UEVLD: variants seen among roughly 807,000 people sequenced by gnomAD.
UEVLD encodes UEV and lactate/malate dehyrogenase domains.
UEVLD carries 47 observed loss-of-function variants against 58.6 expected under a neutral mutation model. The ratio of observed to expected loss-of-function variants is 0.80; its 90% CI spans 0.63 to 1.02. UEVLD has a LOEUF of 1.02. Among genes scored for constraint, UEVLD ranks in the 50% least tolerant of loss-of-function variants. The probability of loss-of-function intolerance (pLI) is 0.00; values close to 1 mark genes in which losing one functional copy is unlikely to be tolerated. For missense variants in UEVLD, 510 were observed against 550.6 expected, an observed-to-expected ratio of 0.93 and a Z score of 0.74; for synonymous variants, 197 against 195.3, an observed-to-expected ratio of 1.01 and a Z score of -0.07.
rs573891223 is a variant in UEVLD at position 18,559,301 on chromosome 11, C to T, written c.613-971G>A. On this transcript the variant is annotated intron_variant, in intron 6 of 11. Coordinates refer to ENST00000396197, the MANE Select transcript of UEVLD (RefSeq NM_001040697.4). Reference sequence around the variant, plus strand: ...GCAACCTCCACCTCCCAGGTTCAAGCGATTCTCCTGTCTCAGCCTGCCAAG... The same window carrying T: ...GCAACCTCCACCTCCCAGGTTCAAGTGATTCTCCTGTCTCAGCCTGCCAAG... Among the ~76,000 whole-genome samples, 32 of 152,136 alleles carry T rather than the reference C, an allele frequency of 2.1e-4. No homozygotes were observed. The East Asian group carries it at 5.8e-3, about 28-fold the overall frequency.
chr11:18,529,856 G>T lies in UEVLD; in HGVS notation c.*2464C>A, dbSNP rs1300929517. 6.6e-6 allele frequency: 1 copy of T among 152,000 alleles called. No homozygotes were observed. Among genetic ancestry groups the T allele is most frequent in the Non-Finnish European group, 1.5e-5 (1 of 67,996 alleles). The allele number at this position is 152,000 out of a possible 1,614,324, so 9.4% of individuals were successfully genotyped here. ...TGATATTGCTTCTTGACTTACACTG[G>T]GATTTACAACATGATTACTAATACA... On this transcript the variant is annotated 3_prime_UTR_variant, in exon 12 of 12. Coordinates refer to ENST00000396197, the MANE Select transcript of UEVLD (RefSeq NM_001040697.4).
chr11:18,583,307 G>A (rs1362329681), intron 1 of UEVLD, among the ~76,000 whole-genome samples: 10 of 144,204 alleles, frequency 6.9e-5, no homozygotes, highest in South Asian at 2.3e-4. Flanking sequence ...TGCAACCTCC[G>A]CCTCCCGGGT....
At chr11:18,536,673 A>C in intron 9 of UEVLD, 2 of 506,160 alleles carry the variant, frequency 4.0e-6, no homozygotes, top group East Asian at 3.5e-5. Context: ...AACTACAAAA[A>C]ACATGATCCC....
chr11:18,584,825 G>T (rs1425525238), intron 1 of UEVLD, among the ~76,000 whole-genome samples: 1 of 152,074 alleles, frequency 6.6e-6, no homozygotes, highest in Non-Finnish European at 1.5e-5. Flanking sequence ...TAGAGACAGG[G>T]TTTCACTATG....
rs1851213314 is a variant in UEVLD at position 18,544,665 on chromosome 11, C to G, written c.1018G>C (p.Gly340Arg). 6.3e-7 allele frequency: 1 copy of G among 1,593,538 alleles called. No individual in the cohort carries two copies. The highest frequency in any genetic ancestry group is 8.5e-7 in the Non-Finnish European group (1 of 1,173,216). Reference protein sequence around the residue: ...ITNVLKAQTSGKEVWVIGEQG... With the variant: ...ITNVLKAQTSRKEVWVIGEQG... ...TCGCCAATAACCCATACTTCTTTGC[C>G]TGAAGTCTGTGCCTTCAAAACATTT... The change falls in exon 9 of 12, where the codon GGC becomes CGC. Residue 340 changes from glycine to arginine, a missense_variant. Gly to Arg is a moderately radical substitution (Grantham distance 125). Coordinates refer to ENST00000396197, the MANE Select transcript of UEVLD (RefSeq NM_001040697.4).
chr11:18,545,708 G>A (rs1198871863), intron 8 of UEVLD, among the ~76,000 whole-genome samples: 1 of 152,184 alleles, frequency 6.6e-6, no homozygotes, highest in Non-Finnish European at 1.5e-5. Flanking sequence ...GCCTCCCAAA[G>A]TGCTGTGATT....
rs535056448 is a variant in UEVLD at position 18,582,434 on chromosome 11, G to T, written c.43-3626C>A. 2.1e-4 allele frequency among the ~76,000 whole-genome samples: 30 copies of T among 146,060 alleles called. 1 individual carries two copies. In the South Asian group the frequency reaches 5.2e-3, roughly 26 times the overall value. ...TTTTTTTTTTTTTTTTGGAGACAGGGTCTCACTATGTCACCCAGGCTGGAG... is the reference window on the plus strand; with the variant it reads ...TTTTTTTTTTTTTTTTGGAGACAGGTTCTCACTATGTCACCCAGGCTGGAG... On this transcript the variant is annotated intron_variant, in intron 1 of 11. Coordinates refer to ENST00000396197, the MANE Select transcript of UEVLD (RefSeq NM_001040697.4).
chr11:18,569,146 G>A (rs548280672), intron 4 of UEVLD, among the ~76,000 whole-genome samples: 4 of 152,164 alleles, frequency 2.6e-5, no homozygotes, highest in Non-Finnish European at 4.4e-5. Context: ...CACCCGCCTC[G>A]GCCTACCAAA....
intron 9 of UEVLD, among the ~76,000 whole-genome samples, chr11:18,538,448 G>A (rs1412917458): frequency 1.3e-5 from 2 of 151,628 alleles, no homozygotes; most frequent in Admixed American, 1.3e-4. Flanking sequence ...CAAGTAGCTG[G>A]GATCACAGGT....
chr11:18,583,820 C>G (rs1347436918), intron 1 of UEVLD, among the ~76,000 whole-genome samples: 1 of 151,944 alleles, frequency 6.6e-6, no homozygotes, highest in Admixed American at 6.6e-5. Flanking sequence ...CACCACCACA[C>G]CCGGGTAATT....
intron 7 of UEVLD, among the ~76,000 whole-genome samples, chr11:18,551,275 T>A (rs1851515113): frequency 6.6e-6 from 1 of 151,668 alleles, no homozygotes; most frequent in Non-Finnish European, 1.5e-5. Context: ...AAAAAGAAAT[T>A]AGCCGGGCGT....
chr11:18,532,293 T>C lies in UEVLD; in HGVS notation c.*27A>G. The C allele has an allele frequency of 1.3e-6, 2 of 1,582,548 alleles. No homozygotes were observed. The highest frequency in any genetic ancestry group is 1.7e-6 in the Non-Finnish European group (2 of 1,165,562). ...AATGACTTTTCCCTTTAGGTAGAAG[T>C]CCAGCCTCTCAAATTGCATTTGAGA... is the stretch of plus-strand genomic sequence containing the variant. On this transcript the variant is annotated 3_prime_UTR_variant, in exon 12 of 12. Coordinates refer to ENST00000396197, the MANE Select transcript of UEVLD (RefSeq NM_001040697.4).
chr11:18,557,926 G>T (rs1851830460), intron 7 of UEVLD, among the ~76,000 whole-genome samples: 1 of 152,072 alleles, frequency 6.6e-6, no homozygotes, highest in African/African-American at 2.4e-5. Context: ...TATATTCTAA[G>T]AAAAGAGGCA....
At chr11:18,559,672 C>T (rs1386138869) in intron 6 of UEVLD, among the ~76,000 whole-genome samples, 3 of 151,972 alleles carry the variant, frequency 2.0e-5, no homozygotes, top group Non-Finnish European at 4.4e-5. Context: ...AAAATAATGC[C>T]AGCTTTTTCT....
intron 9 of UEVLD, among the ~76,000 whole-genome samples, chr11:18,543,761 A>G (rs1851166872): frequency 6.6e-6 from 1 of 152,250 alleles, no homozygotes; most frequent in Non-Finnish European, 1.5e-5. Flanking sequence ...GAGTAAGGGA[A>G]GAGATTCTCA....
chr11:18,566,611 C>A, intron 4 of UEVLD, 129 bp from the exon 5 acceptor site: 2 of 933,958 alleles, frequency 2.1e-6, no homozygotes, highest in Admixed American at 5.9e-5. Flanking sequence ...CACCACTATA[C>A]TCCAGCTTGG....
At chr11:18,535,484 C>T (rs1850753352) in intron 10 of UEVLD, among the ~76,000 whole-genome samples, 1 of 152,120 alleles carries the variant, frequency 6.6e-6, no homozygotes, top group South Asian at 2.1e-4. Context: ...TTATACCATA[C>T]ACTAATCTTC....
intron 11 of UEVLD, 42 bp downstream of exon 11, chr11:18,534,288 T>C (rs1850696643): frequency 7.3e-7 from 1 of 1,376,026 alleles, no homozygotes; most frequent in Non-Finnish European, 9.6e-7. Flanking sequence ...ATTAATAATA[T>C]CTAAGTTTAA....
Position 18,565,900 on chromosome 11 carries a change from C to CTT in UEVLD, c.493+445_493+446dup, listed in dbSNP as rs1178580117. On this transcript the variant is annotated intron_variant, in intron 5 of 11. Transcript: ENST00000396197. ...AAGGCAAAGGAATTACTTTTTTTTT[C>CTT]TTTTTTTTTTTTTTTTGAGATGGAG... Among the ~76,000 whole-genome samples, 301 of 135,800 alleles carry CTT rather than the reference C, an allele frequency of 2.2e-3. 12 individuals are homozygous for CTT. Among genetic ancestry groups the CTT allele is most frequent in the Admixed American group, 0.012 (161 of 13,040 alleles). 89.1% of individuals were successfully genotyped at this position (135,800 alleles called of 152,430 possible).
Sources: allele counts gnomAD v4.1 joint callset (sites outside exome capture counted in the v4.1 genomes callset), GRCh38; gene constraint gnomAD v4.1.1; transcripts MANE v1.5; gene names NCBI Gene and HGNC (gene_info 2026-07-23, HGNC 2026-07-21).